Variants in DDAH1 observed in about 807,000 individuals in gnomAD.
DDAH1 encodes the protein dimethylarginine dimethylaminohydrolase 1.
Under a neutral mutation model 28.8 loss-of-function variants are expected in DDAH1, and 19 were observed. The ratio of observed to expected loss-of-function variants is 0.66; its 90% CI spans 0.46 to 0.97. DDAH1 has a LOEUF of 0.97. Among genes scored for constraint, DDAH1 ranks in the 50% least tolerant of loss-of-function variants. The probability of loss-of-function intolerance (pLI) is 0.00; values close to 1 mark genes in which losing one functional copy is unlikely to be tolerated. For missense variants in DDAH1, 326 were observed against 375.9 expected, an observed-to-expected ratio of 0.87 and a Z score of 1.10; for synonymous variants, 153 against 154.4, an observed-to-expected ratio of 0.99 and a Z score of 0.07.
At chr1:85,572,466 T>C (rs184328460) in intron 1 of DDAH1, among the ~76,000 whole-genome samples, 2 of 152,346 alleles carry the variant, frequency 1.3e-5, no homozygotes, top group Admixed American at 1.3e-4. Flanking sequence ...TTAACAACCC[T>C]GCCCCCTTGC....
chr1:85,332,740 G>A (rs529184398), intron 4 of DDAH1, among the ~76,000 whole-genome samples: 154 of 152,286 alleles, frequency 1.0e-3, no homozygotes, highest in Middle Eastern at 6.8e-3. Context: ...TGAAACCCAA[G>A]CATGCTGTCT....
At chr1:85,333,763 A>G (rs1365652675) in intron 4 of DDAH1, among the ~76,000 whole-genome samples, 1 of 152,194 alleles carries the variant, frequency 6.6e-6, no homozygotes, top group African/African-American at 2.4e-5. Context: ...AAAAAAAACA[A>G]GAAAGAAGAA....
chr1:85,328,839 T>C (rs183666891), intron 4 of DDAH1, among the ~76,000 whole-genome samples: 466 of 152,330 alleles, frequency 3.1e-3, no homozygotes, highest in Non-Finnish European at 5.0e-3. Flanking sequence ...TTGGGAAAAC[T>C]GTGTGTGGCA....
intron 4 of DDAH1, among the ~76,000 whole-genome samples, chr1:85,326,571 T>C (rs1019218134): frequency 1.3e-5 from 2 of 152,218 alleles, no homozygotes; most frequent in Non-Finnish European, 2.9e-5. Context: ...TTGCTCTTTC[T>C]CAACTTCTGC....
chr1:85,447,065 CATG>C (rs1163355264), intron 1 of DDAH1, among the ~76,000 whole-genome samples: 1 of 152,206 alleles, frequency 6.6e-6, no homozygotes, highest in Non-Finnish European at 1.5e-5. Context: ...CTCTTTCTTT[CATG>C]ACAGGTCAGT....
chr1:85,560,468 A>T (rs1353659171), intron 1 of DDAH1, among the ~76,000 whole-genome samples: 1 of 152,160 alleles, frequency 6.6e-6, no homozygotes, highest in African/African-American at 2.4e-5. Flanking sequence ...TTTACAATGA[A>T]GTATGGCGTT....
intron 1 of DDAH1, among the ~76,000 whole-genome samples, chr1:85,455,738 G>T (rs546347581): frequency 2.6e-5 from 4 of 152,170 alleles, no homozygotes; most frequent in Non-Finnish European, 5.9e-5. Context: ...CAGACAGTAT[G>T]TGGGTCTAGG....
intron 1 of DDAH1, among the ~76,000 whole-genome samples, chr1:85,422,040 G>C (rs1318975254): frequency 1.3e-5 from 2 of 152,152 alleles, no homozygotes; most frequent in Non-Finnish European, 2.9e-5. Context: ...GCAATAAAAA[G>C]AGTACCTATT....
intron 2 of DDAH1, chr1:85,493,389 G>C (rs1052721558): frequency 1.9e-4 from 29 of 151,958 alleles, no homozygotes; most frequent in Non-Finnish European, 3.5e-4. Flanking sequence ...TTTTTCAAAA[G>C]CAAATAATTA....
At chr1:85,379,739 T>C (rs1385420322) in intron 1 of DDAH1, 2 of 980,710 alleles carry the variant, frequency 2.0e-6, no homozygotes, top group Non-Finnish European at 2.4e-6. Flanking sequence ...GCTGGCATCC[T>C]TACTTTCCAA....
intron 1 of DDAH1, among the ~76,000 whole-genome samples, chr1:85,439,595 CTCT>C (rs1297800138): frequency 6.6e-6 from 1 of 152,226 alleles, no homozygotes; most frequent in Non-Finnish European, 1.5e-5. Context: ...AAACTATCTG[CTCT>C]TCAAGACAAA....
intron 1 of DDAH1, among the ~76,000 whole-genome samples, chr1:85,509,407 C>T (rs1354430865): frequency 6.6e-6 from 1 of 152,166 alleles, no homozygotes; most frequent in East Asian, 1.9e-4. Flanking sequence ...ACAGAAAATT[C>T]TAAAAATCAG....
At chr1:85,347,601 C>T (rs528891061) in intron 4 of DDAH1, among the ~76,000 whole-genome samples, 9 of 151,980 alleles carry the variant, frequency 5.9e-5, no homozygotes, top group African/African-American at 2.2e-4. Flanking sequence ...GAACATCACA[C>T]ACCGGGGCCT....
At chr1:85,542,918 G>T (rs993563477) in intron 1 of DDAH1, among the ~76,000 whole-genome samples, 40 of 152,282 alleles carry the variant, frequency 2.6e-4, no homozygotes, top group African/African-American at 9.4e-4. Context: ...ATGACGTGCA[G>T]AGATGGACAT....
intron 1 of DDAH1, among the ~76,000 whole-genome samples, chr1:85,447,062 T>C (rs1654469040): frequency 6.6e-6 from 1 of 152,218 alleles, no homozygotes; most frequent in Non-Finnish European, 1.5e-5. Context: ...GCACTCTTTC[T>C]TTCATGACAG....
upstream of DDAH1, among the ~76,000 whole-genome samples, chr1:85,466,976 T>C (rs543064266): frequency 2.9e-4 from 44 of 151,824 alleles, no homozygotes; most frequent in African/African-American, 1.1e-3. Context: ...TAGCTGGGAT[T>C]ATAGGCATGT....
intron 1 of DDAH1, among the ~76,000 whole-genome samples, chr1:85,439,126 T>C (rs565667487): frequency 2.0e-5 from 3 of 151,034 alleles, no homozygotes; most frequent in South Asian, 4.2e-4. Context: ...TTATAATCAG[T>C]CATTGTTATT....
chr1:85,512,152 C>T (rs539519557), intron 1 of DDAH1, among the ~76,000 whole-genome samples: 5 of 152,226 alleles, frequency 3.3e-5, no homozygotes, highest in Non-Finnish European at 5.9e-5. Flanking sequence ...TTATCCATCA[C>T]GATCAAGTCA....
chr1:85,501,825 C>T (rs536108329), intron 1 of DDAH1, among the ~76,000 whole-genome samples: 1 of 152,296 alleles, frequency 6.6e-6, no homozygotes, highest in Non-Finnish European at 1.5e-5. Context: ...GTACTAGTAA[C>T]TTCATCAAAG....
Sources: gnomAD v4.1 joint callset for allele counts (sites outside exome capture counted in the v4.1 genomes callset) on GRCh38, gnomAD v4.1.1 for gene constraint, MANE v1.5 for transcripts, NCBI Gene and HGNC (gene_info 2026-07-23, HGNC 2026-07-21) for gene names.